Variants in GMFB observed in about 807,000 individuals in gnomAD.
GMFB encodes GMF-beta.
Under a neutral mutation model 25.6 loss-of-function variants are expected in GMFB, and 13 were observed. The observed-to-expected ratio is 0.51, with a 90% confidence interval of 0.33 to 0.81. The LOEUF (loss-of-function observed/expected upper bound fraction) is 0.81. Among genes scored for constraint, GMFB ranks in the 30% least tolerant of loss-of-function variants. The pLI is 0.02. For synonymous variants in GMFB, 57 were observed against 56.9 expected, an observed-to-expected ratio of 1.00 and a Z score of 0.00; for missense variants, 146 against 175.4, an observed-to-expected ratio of 0.83 and a Z score of 0.95.
At chr14:54,485,441 T>C (rs1444655217) in intron 1 of GMFB, among the ~76,000 whole-genome samples, 1 of 151,946 alleles carries the variant, frequency 6.6e-6, no homozygotes, top group Non-Finnish European at 1.5e-5. Flanking sequence ...CTATAAAAAA[T>C]TTAGGAATAA....
At chr14:54,483,049 AT>A (rs1213621257) in intron 2 of GMFB, 11 of 152,328 alleles carry the variant, frequency 7.2e-5, no homozygotes, top group African/African-American at 2.4e-4. Flanking sequence ...AGAGTTTTAC[AT>A]TTTCACCCCC....
rs1381763355 is a variant in GMFB at position 54,475,645 on chromosome 14, T to C, written c.*2443A>G. 6.6e-6 allele frequency: 1 copy of C among 152,598 alleles called. No homozygotes were observed. Among genetic ancestry groups the C allele is most frequent in the Non-Finnish European group, 1.5e-5 (1 of 67,968 alleles). 9.5% of individuals were successfully genotyped at this position (152,598 alleles called of 1,614,324 possible). On this transcript the variant is annotated 3_prime_UTR_variant, in exon 7 of 7. Coordinates refer to ENST00000358056, the MANE Select transcript of GMFB (RefSeq NM_004124.3). ...TAACCTGAGAAGTTTTCTTCGTATG[T>C]ATTTTTGTTGTCATGGAAACCACAC... is the stretch of plus-strand genomic sequence containing the variant.
intron 5 of GMFB, chr14:54,480,661 A>G: frequency 5.0e-6 from 2 of 397,246 alleles, no homozygotes; most frequent in South Asian, 1.3e-4. Context: ...CACGTCTAGA[A>G]ATTTATCCTA....
Position 54,483,819 on chromosome 14 carries a change from A to G in GMFB, c.4-52T>C, listed in dbSNP as rs372252034. On this transcript the variant is annotated intron_variant, in intron 1 of 6. Coordinates refer to ENST00000358056, the MANE Select transcript of GMFB (RefSeq NM_004124.3). ...AATGCCATGACTTCAATATATGTAC[A>G]TGTTAAAGTTATGAAACCTAATACC... The G allele has an allele frequency of 1.1e-5, 11 of 982,716 alleles. No individual in the cohort carries two copies. The South Asian group carries it at 1.2e-4, about 11-fold the overall frequency. 60.9% of individuals were successfully genotyped at this position (982,716 alleles called of 1,614,324 possible).
Position 54,482,216 on chromosome 14 carries a change from C to T in GMFB, c.101-14G>A. 1 of 1,575,140 alleles carries T rather than the reference C, an allele frequency of 6.3e-7. No homozygotes were observed. The highest frequency in any genetic ancestry group is 8.7e-7 in the Non-Finnish European group (1 of 1,145,894). On this transcript the variant is annotated splice_polypyrimidine_tract_variant and intron_variant, in intron 2 of 6. Transcript: ENST00000358056. ...TGTCAATCTTCACTAAAATAAAAAT[C>T]AAGTATGAGTAAGCTGGGATTCTAA...
chr14:54,487,635 C>T (rs1364814359), intron 1 of GMFB, among the ~76,000 whole-genome samples: 5 of 152,224 alleles, frequency 3.3e-5, no homozygotes, highest in African/African-American at 1.2e-4. Context: ...ACTGCTTGAA[C>T]CTGGGAGGCG....
chr14:54,480,774 C>T (rs1250550685), intron 5 of GMFB, 100 bp downstream of exon 5: 2 of 674,970 alleles, frequency 3.0e-6, no homozygotes, highest in Non-Finnish European at 5.3e-6. Flanking sequence ...TTAGGTTATT[C>T]AACAATGTTC....
intron 1 of GMFB, among the ~76,000 whole-genome samples, chr14:54,484,254 C>T: frequency 6.6e-6 from 1 of 151,524 alleles, no homozygotes; most frequent in Non-Finnish European, 1.5e-5. Flanking sequence ...TGTTAAAAAC[C>T]CCATAAGAGT....
At chr14:54,480,600 C>T (rs536076838) in intron 5 of GMFB, 2 of 287,998 alleles carry the variant, frequency 6.9e-6, no homozygotes, top group Admixed American at 5.3e-5. Context: ...ATTAGAATGT[C>T]ATCACGTTTC....
At chr14:54,479,957 C>T (rs2031689383) in intron 5 of GMFB, 98 bp from the exon 6 acceptor site, 3 of 727,930 alleles carry the variant, frequency 4.1e-6, no homozygotes, top group South Asian at 3.2e-5. Flanking sequence ...TTTAGGATTT[C>T]CTTTGCTATT....
In GMFB at chr14:54,477,911, C is replaced by A. The variant is rs2031661104; in HGVS notation, c.*177G>T. 18 of 451,498 alleles carry A rather than the reference C, an allele frequency of 4.0e-5. No individual in the cohort carries two copies. The South Asian group carries it at 8.2e-4, about 21-fold the overall frequency. 28.0% of individuals were successfully genotyped at this position (451,498 alleles called of 1,614,324 possible). On this transcript the variant is annotated 3_prime_UTR_variant, in exon 7 of 7. Coordinates refer to ENST00000358056, the MANE Select transcript of GMFB (RefSeq NM_004124.3). ...TATAAGGAAACACTTTACAAAGTTTCATTACTATGAAGATGATTTCCTCTT... is the reference window on the plus strand; with the variant it reads ...TATAAGGAAACACTTTACAAAGTTTAATTACTATGAAGATGATTTCCTCTT...
intron 6 of GMFB, 64 bp from the exon 7 acceptor site, chr14:54,478,223 A>G (rs963835890): frequency 5.2e-6 from 3 of 577,746 alleles, no homozygotes; most frequent in Non-Finnish European, 8.8e-6. Context: ...AAATATTTGA[A>G]TTTTTTAAAA....
At chr14:54,487,432 G>T (rs905733394) in intron 1 of GMFB, among the ~76,000 whole-genome samples, 7 of 152,256 alleles carry the variant, frequency 4.6e-5, no homozygotes, top group African/African-American at 1.7e-4. Context: ...CTACTCGGGA[G>T]GCTGAGGCGG....
At chr14:54,482,676 G>C (rs377146229) in intron 2 of GMFB, among the ~76,000 whole-genome samples, 1 of 152,110 alleles carries the variant, frequency 6.6e-6, no homozygotes, top group Non-Finnish European at 1.5e-5. Context: ...CTAAGAAAGT[G>C]AATAACCAAA....
In GMFB at chr14:54,480,588, A is replaced by G. The variant is rs1470576345; in HGVS notation, c.283+286T>C. ...AATATAAAAAGAAAATACTTCTGCT[A>G]TATTAGAATGTCATCACGTTTCAAA... On this transcript the variant is annotated intron_variant, in intron 5 of 6. Coordinates refer to ENST00000358056, the MANE Select transcript of GMFB (RefSeq NM_004124.3). 7 of 262,658 alleles carry G rather than the reference A, an allele frequency of 2.7e-5. No homozygotes were observed. In the East Asian group the frequency reaches 4.2e-4, roughly 16 times the overall value. The allele number at this position is 262,658 out of a possible 1,614,324, so 16.3% of individuals were successfully genotyped here. A position where few individuals can be genotyped will look rare whatever the true frequency, so the allele number is the denominator to read the frequency against.
At chr14:54,486,562 A>G (rs766295546) in intron 1 of GMFB, among the ~76,000 whole-genome samples, 2 of 152,248 alleles carry the variant, frequency 1.3e-5, no homozygotes, top group African/African-American at 2.4e-5. Context: ...TCTCCACTCA[A>G]CAAAGGATTA....
chr14:54,481,545 T>C (rs1282607640), intron 3 of GMFB, 87 bp from the exon 4 acceptor site: 2 of 781,970 alleles, frequency 2.6e-6, no homozygotes, highest in Non-Finnish European at 4.4e-6. Context: ...CTACTAACAG[T>C]TATAAATTTA....
intron 1 of GMFB, among the ~76,000 whole-genome samples, chr14:54,485,812 A>G (rs969412634): frequency 6.6e-6 from 1 of 152,246 alleles, no homozygotes; most frequent in African/African-American, 2.4e-5. Flanking sequence ...ACACAGGCCA[A>G]TGAAACAGAA....
At chr14:54,487,979 TGAAG>T (rs1172553051) in intron 1 of GMFB, among the ~76,000 whole-genome samples, 1 of 151,978 alleles carries the variant, frequency 6.6e-6, no homozygotes, top group Non-Finnish European at 1.5e-5. Context: ...AGGGGAAGAA[TGAAG>T]GAAGAGAATG....
Sources: allele counts gnomAD v4.1 joint callset (sites outside exome capture counted in the v4.1 genomes callset), GRCh38; gene constraint gnomAD v4.1.1; transcripts MANE v1.5; gene names NCBI Gene and HGNC (gene_info 2026-07-23, HGNC 2026-07-21).